Variants in PTPN13 observed in about 807,000 individuals in gnomAD.
The protein encoded by PTPN13 is tyrosine-protein phosphatase non-receptor type 13.
In PTPN13, 191 loss-of-function variants were observed where a neutral mutation model predicts 284.0. That is an observed-to-expected ratio of 0.67 (90% CI 0.60 to 0.76). The LOEUF is 0.76. PTPN13 is among the 30% of genes least tolerant of loss of function. PTPN13 has a pLI of 0.00. For synonymous variants in PTPN13, 986 were observed against 1,022.3 expected (o/e 0.96, Z 0.68); for missense variants, 2,797 against 2,939.9 (o/e 0.95, Z 1.12).
In PTPN13 at chr4:86,765,508, T is replaced by C. The variant is rs772192409; in HGVS notation, c.4243+20T>C. 6.7e-7 allele frequency: 1 copy of C among 1,502,486 alleles called. No homozygotes were observed. The highest frequency in any genetic ancestry group is 2.0e-5 in the Admixed American group (1 of 51,196). The allele number at this position is 1,502,486 out of a possible 1,614,324, so 93.1% of individuals were successfully genotyped here. On this transcript the variant is annotated intron_variant, in intron 26 of 47. Transcript: ENST00000411767. ...ACAAAGGTATAGTGTTTATATTATG[T>C]GGGAATTATATGTATGAATATTACA...
At position 86,769,954 on chromosome 4, in the gene PTPN13, G is replaced by A; in HGVS notation, c.4675G>A (p.Gly1559Arg). The A allele has an allele frequency of 1.2e-6, 2 of 1,613,966 alleles. No individual in the cohort carries two copies. Among genetic ancestry groups the A allele is most frequent in the Non-Finnish European group, 1.7e-6 (2 of 1,179,874 alleles). ...DVGDVILKVN[G>R]ASLKGLSQQE... is the part of the protein sequence containing the mutation. ...AGGAGATGTTATCTTGAAAGTGAAT[G>A]GAGCCTCTTTGAAAGGACTATCTCA... The change falls in exon 29 of 48, where the codon GGA becomes AGA. Residue 1559 changes from glycine to arginine, a missense_variant. By Grantham distance (125) the Gly-to-Arg change is moderately radical. Coordinates refer to ENST00000411767, the MANE Select transcript of PTPN13 (RefSeq NM_080683.3).
intron 7 of PTPN13, among the ~76,000 whole-genome samples, chr4:86,708,771 C>T (rs933681422): frequency 6.6e-6 from 1 of 152,054 alleles, no homozygotes; most frequent in South Asian, 2.1e-4. Context: ...TACCTTTATT[C>T]TCTGCTATCA....
chr4:86,721,240 A>C (rs1237719085), intron 9 of PTPN13, among the ~76,000 whole-genome samples: 1 of 152,072 alleles, frequency 6.6e-6, no homozygotes, highest in Non-Finnish European at 1.5e-5. Context: ...AACAGGTTTG[A>C]GTTTAAATGT....
chr4:86,720,974 C>T (rs1298981083), intron 9 of PTPN13, among the ~76,000 whole-genome samples: 1 of 152,008 alleles, frequency 6.6e-6, no homozygotes, highest in Non-Finnish European at 1.5e-5. Context: ...TTTTTATGTA[C>T]TAGCTTTTGA....
intron 44 of PTPN13, among the ~76,000 whole-genome samples, chr4:86,806,730 A>G (rs751843406): frequency 6.6e-6 from 1 of 152,204 alleles, no homozygotes; most frequent in Non-Finnish European, 1.5e-5. Context: ...TTTGAAACCT[A>G]TCATTAAAAG....
chr4:86,641,236 A>T (rs1021764090), intron 2 of PTPN13, among the ~76,000 whole-genome samples: 3 of 152,154 alleles, frequency 2.0e-5, no homozygotes, highest in African/African-American at 7.2e-5. Flanking sequence ...ATCCTTATGC[A>T]TAACACTGGG....
chr4:86,658,944 G>A (rs1726165490), intron 2 of PTPN13, among the ~76,000 whole-genome samples: 2 of 152,070 alleles, frequency 1.3e-5, no homozygotes. Context: ...TTAGCTAAGA[G>A]CAGACTGAAC....
In PTPN13 at chr4:86,762,844, C is replaced by A; in HGVS notation, c.3671C>A (p.Thr1224Asn). The A allele has an allele frequency of 6.2e-7, 1 of 1,613,886 alleles. No individual in the cohort carries two copies. The highest frequency in any genetic ancestry group is 8.5e-7 in the Non-Finnish European group (1 of 1,179,826). Reference protein sequence around the residue: ...SSKDHHWSRGTLRHISENSFG... With the variant: ...SSKDHHWSRGNLRHISENSFG... ...AAGGATCACCACTGGTCACGTGGTA[C>A]CCTGAGGCACATCTCGGAGAACTCC... Residue 1224 changes from threonine to asparagine, a missense_variant, in exon 24 of 48, where the codon ACC becomes AAC. Transcript: ENST00000411767.
intron 1 of PTPN13, among the ~76,000 whole-genome samples, chr4:86,624,294 T>C (rs1721592706): frequency 6.6e-6 from 1 of 152,084 alleles, no homozygotes; most frequent in African/African-American, 2.4e-5. Context: ...CTCTACTTAT[T>C]TGTTGGTTGC....
chr4:86,705,120 G>A (rs958784739), intron 7 of PTPN13, among the ~76,000 whole-genome samples: 5 of 152,054 alleles, frequency 3.3e-5, no homozygotes, highest in African/African-American at 7.2e-5. Flanking sequence ...CAGATCACGA[G>A]GTCAGGAGAT....
chr4:86,700,326 A>G (rs1016058120), intron 6 of PTPN13, among the ~76,000 whole-genome samples: 2 of 152,252 alleles, frequency 1.3e-5, no homozygotes, highest in East Asian at 3.9e-4. Context: ...TTTATGGGCT[A>G]TTGAGTTAGT....
chr4:86,806,177 A>G (rs541952464), intron 44 of PTPN13, among the ~76,000 whole-genome samples: 70 of 152,118 alleles, frequency 4.6e-4, no homozygotes, highest in African/African-American at 1.6e-3. Flanking sequence ...TAGGAAAAAA[A>G]AAAGAAAAGC....
rs1303192848 is a variant in PTPN13, at chr4:86,762,801, G to A, written c.3628G>A (p.Ala1210Thr). The A allele has an allele frequency of 6.2e-7, 1 of 1,613,776 alleles. No homozygotes were observed. Residue 1210 changes from alanine (A) to threonine (T), a missense_variant, in exon 24 of 48, where the codon GCT becomes ACT. Ala to Thr is a moderately conservative substitution (Grantham distance 58). Coordinates refer to ENST00000411767, the MANE Select transcript of PTPN13 (RefSeq NM_080683.3). ...GAAATCTTCCTACATGCAAGACAGT[G>A]CTATAGATTCTTCTTCCAAGGATCA... ...MKKSSYMQDS[A>T]IDSSSKDHHW... is the part of the protein sequence containing the mutation.
intron 3 of PTPN13, among the ~76,000 whole-genome samples, chr4:86,683,772 A>C (rs1202654510): frequency 2.0e-5 from 3 of 152,200 alleles, no homozygotes; most frequent in Non-Finnish European, 4.4e-5. Flanking sequence ...ATAGTAACTC[A>C]CTTGGCATAT....
At chr4:86,747,533 TAGCAGCAGCAGCAGCGGC>T (rs796362246) in intron 17 of PTPN13, among the ~76,000 whole-genome samples, 4 of 151,540 alleles carry the variant, frequency 2.6e-5, no homozygotes, top group Admixed American at 6.6e-5. Flanking sequence ...GCGGTAATAG[TAGCAGCAGCAGCAGCGGC>T]AGCAGCAGCA....
intron 2 of PTPN13, among the ~76,000 whole-genome samples, chr4:86,645,219 ACT>A (rs1724277407): frequency 6.6e-6 from 1 of 151,936 alleles, no homozygotes; most frequent in East Asian, 1.9e-4. Flanking sequence ...AAACAAGCAA[ACT>A]CTCATCTAGG....
intron 3 of PTPN13, among the ~76,000 whole-genome samples, chr4:86,682,538 A>G (rs576853628): frequency 6.6e-6 from 1 of 151,976 alleles, no homozygotes; most frequent in South Asian, 2.1e-4. Context: ...TTTTCTCATT[A>G]CGTAAAACAC....
Position 86,606,124 on chromosome 4 carries a change from GAATTA to G in PTPN13, c.-6+11338_-6+11342del, listed in dbSNP as rs144971521. 6.1e-3 allele frequency among the ~76,000 whole-genome samples: 920 copies of G among 151,860 alleles called. 13 individuals carry two copies. Among genetic ancestry groups the G allele is most frequent in the African/African-American group, 0.021 (862 of 41,516 alleles). On this transcript the variant is annotated intron_variant, in intron 1 of 47. Transcript: ENST00000411767. ...TTGCTCAATAAGCCAACTATTGATT[GAATTA>G]AAGATATTTATCATTTTCCTCTATC...
intron 3 of PTPN13, among the ~76,000 whole-genome samples, chr4:86,677,537 T>C (rs1315700919): frequency 1.3e-5 from 2 of 151,576 alleles, no homozygotes; most frequent in Non-Finnish European, 2.9e-5. Context: ...ATGGTCTCGA[T>C]CGCTTGACCT....
Sources: allele counts gnomAD v4.1 joint callset (sites outside exome capture counted in the v4.1 genomes callset), GRCh38; gene constraint gnomAD v4.1.1; transcripts MANE v1.5; gene names NCBI Gene and HGNC (gene_info 2026-07-23, HGNC 2026-07-21).